NDST2: variants seen among roughly 807,000 people sequenced by gnomAD.
The protein encoded by NDST2 is bifunctional heparan sulfate N-deacetylase/N-sulfotransferase 2.
NDST2 carries 32 observed loss-of-function variants against 86.9 expected under a neutral mutation model. The ratio of observed to expected loss-of-function variants is 0.37; its 90% CI spans 0.28 to 0.49. The LOEUF is 0.49. Ranked by LOEUF, NDST2 falls within the 20% of genes least tolerant of loss-of-function variation. The pLI is 0.97. For synonymous variants in NDST2, 409 were observed against 437.0 expected, an observed-to-expected ratio of 0.94 and a Z score of 0.80; for missense variants, 950 against 1,146.9, an observed-to-expected ratio of 0.83 and a Z score of 2.48.
chr10:73,803,519 T>TGGGGGGC, intron 11 of NDST2, 55 bp downstream of exon 11: 3 of 565,874 alleles, frequency 5.3e-6, no homozygotes, highest in Non-Finnish European at 6.8e-6. Context: ...GCAGTCACTG[T>TGGGGGGC]CCCCTCCCCC....
chr10:73,805,230 C>G (rs926207893), intron 8 of NDST2, among the ~76,000 whole-genome samples: 1 of 151,688 alleles, frequency 6.6e-6, no homozygotes, highest in Non-Finnish European at 1.5e-5. Flanking sequence ...ACCCCCACCC[C>G]GGCTGGGCGC....
Position 73,807,503 on chromosome 10 carries a change from C to T in NDST2, c.886G>A (p.Ala296Thr). The T allele has an allele frequency of 6.2e-7, 1 of 1,614,190 alleles. No homozygotes were observed. The highest frequency in any genetic ancestry group is 8.5e-7 in the Non-Finnish European group (1 of 1,180,046). The change falls in exon 3 of 15, where the codon GCT (alanine) becomes ACT (threonine). Residue 296 changes from alanine (A) to threonine (T), a missense_variant. Physicochemically the swap from Ala to Thr is moderately conservative, Grantham distance 58 (BLOSUM62 0). This residue lies in a region of NDST2 where 586 missense variants were observed against 714.0 expected (regional missense o/e 0.82). Coordinates refer to ENST00000309979, the MANE Select transcript of NDST2 (RefSeq NM_003635.4). ...FWLHKLIFVD[A>T]VAYLTGKRLC... Reference sequence around the variant, plus strand: ...CGCTTGCCAGTGAGGTATGCAACAGCATCAACGAAGATAAGTTTGTGGAGC... The same window carrying T: ...CGCTTGCCAGTGAGGTATGCAACAGTATCAACGAAGATAAGTTTGTGGAGC...
At chr10:73,805,409 G>A (rs184682569) in intron 8 of NDST2, among the ~76,000 whole-genome samples, 178 bp downstream of exon 8, 29 of 152,142 alleles carry the variant, frequency 1.9e-4, no homozygotes, top group African/African-American at 6.0e-4. Context: ...AGCTACTAGG[G>A]AGGCTGAGGC....
intron 9 of NDST2, 25 bp downstream of exon 9, chr10:73,804,748 G>C: frequency 6.7e-7 from 1 of 1,490,848 alleles, no homozygotes; most frequent in Middle Eastern, 1.7e-4. Flanking sequence ...GGCAGGGCAA[G>C]AGAAGTTAGC....
At chr10:73,803,810 CTG>C in intron 10 of NDST2, 62 bp from the exon 11 acceptor site, 2 of 1,613,478 alleles carry the variant, frequency 1.2e-6, no homozygotes, top group East Asian at 2.2e-5. Context: ...GGCCAGAAGT[CTG>C]TGCTGAGGGA....
intron 9 of NDST2, 139 bp from the exon 10 acceptor site, chr10:73,804,155 C>T: frequency 3.2e-6 from 3 of 939,162 alleles, no homozygotes; most frequent in African/African-American, 1.6e-5. Flanking sequence ...TGATAGGAGG[C>T]AAGTCTGAGA....
chr10:73,810,233 T>C (rs554668125), intron 2 of NDST2, among the ~76,000 whole-genome samples: 9 of 151,986 alleles, frequency 5.9e-5, no homozygotes, highest in Non-Finnish European at 8.8e-5. Context: ...CCGAAGCGGG[T>C]GATCACTTGA....
chr10:73,810,520 C>T (rs903748500), intron 2 of NDST2, among the ~76,000 whole-genome samples: 2 of 151,930 alleles, frequency 1.3e-5, no homozygotes, highest in East Asian at 1.9e-4. Flanking sequence ...TAAAACGACA[C>T]GAGAAGACAG....
intron 4 of NDST2, 37 bp downstream of exon 4, chr10:73,807,071 A>G (rs4114992): frequency 0.14 from 220,615 of 1,583,228 alleles, 16,206 homozygotes; most frequent in South Asian, 0.22. Flanking sequence ...GACAGGTCAA[A>G]CTATGATATG....
rs760032463 is a variant in NDST2 at position 73,808,130 on chromosome 10, C to T, written c.259G>A (p.Val87Ile). 6.2e-7 allele frequency: 1 copy of T among 1,614,120 alleles called. No homozygotes were observed. The highest frequency in any genetic ancestry group is 8.5e-7 in the Non-Finnish European group (1 of 1,180,048). ...PPETARTEPVVLVFVESAYSQ... is the reference protein window; with the variant it reads ...PPETARTEPVILVFVESAYSQ... The stretch of plus-strand genomic sequence containing the variant: ...TATGCACTCTCCACAAACACAAGGA[C>T]CACGGGTTCAGTTCGAGCTGTCTCT... The change falls in exon 3 of 15, where the codon GTC becomes ATC. Residue 87 changes from valine (V) to isoleucine (I), a missense_variant. This residue lies in a region of NDST2 where 586 missense variants were observed against 714.0 expected (regional missense o/e 0.82). Transcript: ENST00000309979. The surrounding 1 kb of genome is among the most constrained non-coding windows in gnomAD (Gnocchi z 4.3).
chr10:73,807,446 CCAAGATGTAGCGGT>C lies in NDST2; in HGVS notation c.929_942del (p.Asp310GlyfsTer5). The C allele has an allele frequency of 6.2e-7, 1 of 1,614,180 alleles. No homozygotes were observed. Among genetic ancestry groups the C allele is most frequent in the Non-Finnish European group, 8.5e-7 (1 of 1,180,026 alleles). ...CCCACAAAGATGTCATCGATGTCTA[CCAAGATGTAGCGGT>C]CAAGGTCCAGGCAGAGGCGCTTGCC... On this transcript the variant is annotated frameshift_variant, in exon 3 of 15. Transcript: ENST00000309979. LOFTEE classifies it high-confidence loss of function.
intron 2 of NDST2, among the ~76,000 whole-genome samples, chr10:73,810,401 T>C (rs897783605): frequency 6.6e-6 from 1 of 151,868 alleles, no homozygotes; most frequent in Non-Finnish European, 1.5e-5. Context: ...GAAATTGCAG[T>C]GAGCTGAGAT....
Position 73,806,564 on chromosome 10 carries a change from C to A in NDST2, c.1249-90G>T. ...GGGGAAGCCTCCAAATAAAGAAAAACGCAAAGGATAGGAAAAGGGTAGCCC... is the reference window on the plus strand; with the variant it reads ...GGGGAAGCCTCCAAATAAAGAAAAAAGCAAAGGATAGGAAAAGGGTAGCCC... On this transcript the variant is annotated intron_variant, in intron 5 of 14. Coordinates refer to ENST00000309979, the MANE Select transcript of NDST2 (RefSeq NM_003635.4). The surrounding 1 kb of genome is among the most constrained non-coding windows in gnomAD (Gnocchi z 4.5). 1 of 1,562,124 alleles carries A rather than the reference C, an allele frequency of 6.4e-7. No individual in the cohort carries two copies.
chr10:73,805,938 G>C lies in NDST2; in HGVS notation c.1525C>G (p.Arg509Gly). The change falls in exon 7 of 15, where the codon CGA becomes GGA. Residue 509 changes from arginine (R) to glycine (G), a missense_variant. Around this residue, in one of 5 missense-constraint regions of NDST2, gnomAD observed 586 missense variants for 714.0 expected, o/e 0.82. Coordinates refer to ENST00000309979, the MANE Select transcript of NDST2 (RefSeq NM_003635.4). ...ACTGTCAGAAAGAGCTCTCCACCTC[G>C]GATGCTCCGGTCTAGTTCACGAGAG... ...GGSRELDRSI[R>G]GGELFLTVLL... is the part of the protein sequence containing the mutation. 6.2e-7 allele frequency: 1 copy of C among 1,614,164 alleles called. No individual in the cohort carries two copies. Among genetic ancestry groups the C allele is most frequent in the Non-Finnish European group, 8.5e-7 (1 of 1,180,034 alleles).
chr10:73,811,682 G>A (rs2084274675), upstream of NDST2: 1 of 152,162 alleles, frequency 6.6e-6, no homozygotes, highest in Admixed American at 6.5e-5. Flanking sequence ...CACCGGCTCC[G>A]GCCCTAGCAG....
intron 8 of NDST2, 32 bp downstream of exon 8, chr10:73,805,555 A>T: frequency 6.2e-7 from 1 of 1,607,246 alleles, no homozygotes; most frequent in Non-Finnish European, 8.5e-7. Flanking sequence ...CACCCCTATC[A>T]TGTCTCTCAT....
Position 73,802,963 on chromosome 10 carries a change from C to A in NDST2, c.2423+9G>T. 11 of 1,613,342 alleles carry A rather than the reference C, an allele frequency of 6.8e-6. No homozygotes were observed. Among genetic ancestry groups the A allele is most frequent in the Non-Finnish European group, 9.3e-6 (11 of 1,179,248 alleles). On this transcript the variant is annotated intron_variant, in intron 13 of 14. Transcript: ENST00000309979. The stretch of plus-strand genomic sequence containing the variant: ...TACAGTACTCCTCCCCTGGGTCATG[C>A]TCTCCCACCTGAGGGTCCGTGTGTA...
In NDST2 at chr10:73,806,993, C is replaced by T. The variant is rs939721584; in HGVS notation, c.1093+115G>A. 6.4e-6 allele frequency: 9 copies of T among 1,415,662 alleles called. No homozygotes were observed. The highest frequency in any genetic ancestry group is 4.6e-5 in the East Asian group (2 of 43,646). The allele number at this position is 1,415,662 out of a possible 1,614,324, so 87.7% of individuals were successfully genotyped here. A position where few individuals can be genotyped will look rare whatever the true frequency, so the allele number is the denominator to read the frequency against. ...ATTCATGCCCACCACTAGCTCCTCACAGCAGTCTGACCCCAAACCTTGACC... is the reference window on the plus strand; with the variant it reads ...ATTCATGCCCACCACTAGCTCCTCATAGCAGTCTGACCCCAAACCTTGACC... On this transcript the variant is annotated intron_variant, in intron 4 of 14. Coordinates refer to ENST00000309979, the MANE Select transcript of NDST2 (RefSeq NM_003635.4). The surrounding 1 kb of genome is among the most constrained non-coding windows in gnomAD (Gnocchi z 4.5).
intron 3 of NDST2, 50 bp from the exon 4 acceptor site, chr10:73,807,245 G>A (rs374337294): frequency 1.3e-6 from 2 of 1,568,382 alleles, no homozygotes; most frequent in East Asian, 2.2e-5. Context: ...GACTGAACAG[G>A]AAATACATGA....
Sources: gnomAD v4.1 joint callset for allele counts (sites outside exome capture counted in the v4.1 genomes callset) on GRCh38, gnomAD v4.1.1 for gene constraint, gnomAD v4.1.1 regional missense constraint, Gnocchi (gnomAD v3.1) non-coding constraint, MANE v1.5 for transcripts, NCBI Gene and HGNC (gene_info 2026-07-23, HGNC 2026-07-21) for gene names.